The following SGO2 variants were observed in gnomAD, a reference collection of about 807,000 sequenced individuals.
SGO2 encodes the protein shugoshin-like 2.
Under a neutral mutation model 99.5 loss-of-function variants are expected in SGO2, and 68 were observed. The ratio of observed to expected loss-of-function variants is 0.68; its 90% CI spans 0.56 to 0.84. The LOEUF (loss-of-function observed/expected upper bound fraction) is 0.84, where lower values mean the gene tolerates loss of function less well. SGO2 is among the 40% of genes least tolerant of loss of function. The pLI is 0.00. For missense variants in SGO2, 1,350 were observed against 1,436.7 expected, an observed-to-expected ratio of 0.94 and a Z score of 0.97; for synonymous variants, 457 against 487.1, an observed-to-expected ratio of 0.94 and a Z score of 0.81.
intron 5 of SGO2, among the ~76,000 whole-genome samples, chr2:200,561,929 T>A (rs1329076570): frequency 1.3e-5 from 2 of 152,254 alleles, no homozygotes; most frequent in African/African-American, 2.4e-5. Context: ...TAAATTTGTT[T>A]AAGTTCTTTG....
intron 5 of SGO2, among the ~76,000 whole-genome samples, chr2:200,561,060 T>C (rs1424821435): frequency 6.6e-6 from 1 of 152,222 alleles, no homozygotes; most frequent in Non-Finnish European, 1.5e-5. Context: ...TTTTTATTAT[T>C]ATACTTTAAG....
chr2:200,547,855 C>T (rs1268955003), intron 5 of SGO2, among the ~76,000 whole-genome samples: 1 of 151,906 alleles, frequency 6.6e-6, no homozygotes, highest in Non-Finnish European at 1.5e-5. Flanking sequence ...AGTAGCTGTA[C>T]TCGTAGCAGA....
intron 5 of SGO2, among the ~76,000 whole-genome samples, chr2:200,564,628 G>A (rs567420419): frequency 1.3e-4 from 20 of 152,274 alleles, no homozygotes; most frequent in Middle Eastern, 6.8e-3. Context: ...TTAATTTTCT[G>A]TCTCATGGAT....
intron 5 of SGO2, among the ~76,000 whole-genome samples, chr2:200,550,184 T>A (rs373080245): frequency 6.6e-6 from 1 of 151,914 alleles, no homozygotes; most frequent in African/African-American, 2.4e-5. Flanking sequence ...ATGACAAAAC[T>A]CTGATGAAAG....
chr2:200,574,332 G>A (rs1259301364), intron 7 of SGO2, among the ~76,000 whole-genome samples: 1 of 151,922 alleles, frequency 6.6e-6, no homozygotes, highest in Admixed American at 6.6e-5. Context: ...TTATTTTACT[G>A]AAGACAGTTG....
rs2033552855 is a variant in SGO2 at position 200,573,827 on chromosome 2, C to T, written c.3481C>T (p.Pro1161Ser). 1 of 1,613,022 alleles carries T rather than the reference C, an allele frequency of 6.2e-7. No homozygotes were observed. Among genetic ancestry groups the T allele is most frequent in the African/African-American group, 1.3e-5 (1 of 74,852 alleles). Residue 1161 changes from proline to serine, a missense_variant, in exon 7 of 9, where the codon CCT becomes TCT. Physicochemically the swap from Pro to Ser is moderately conservative, Grantham distance 74. Transcript: ENST00000357799. ...TGACAGTGTTCGTGAAGGTTTAGTA[C>T]CTTTGAGCGTTTCTTCTGGTAAAAA... ...SFDSVREGLV[P>S]LSVSSGKNVI...
intron 5 of SGO2, among the ~76,000 whole-genome samples, chr2:200,568,310 C>G (rs2106340126): frequency 6.6e-6 from 1 of 152,180 alleles, no homozygotes; most frequent in African/African-American, 2.4e-5. Context: ...TCATGTTTTT[C>G]TATTGCTTCA....
chr2:200,529,475 T>C (rs1393784363), intron 1 of SGO2, among the ~76,000 whole-genome samples: 1 of 152,144 alleles, frequency 6.6e-6, no homozygotes, highest in Non-Finnish European at 1.5e-5. Flanking sequence ...TAGTGATAGA[T>C]GTTGAGGGAA....
intron 7 of SGO2, 66 bp downstream of exon 7, chr2:200,574,043 T>C (rs917501051): frequency 7.6e-7 from 1 of 1,310,988 alleles, no homozygotes; most frequent in African/African-American, 1.5e-5. Context: ...TTTCGTTTTT[T>C]ACTTAGCCAG....
At chr2:200,566,048 G>A (rs181691968) in intron 5 of SGO2, among the ~76,000 whole-genome samples, 15 of 152,222 alleles carry the variant, frequency 9.9e-5, no homozygotes, top group South Asian at 4.1e-4. Flanking sequence ...ATTACAGATC[G>A]TCTAAAACCT....
intron 5 of SGO2, among the ~76,000 whole-genome samples, chr2:200,550,998 A>AT (rs2032460892): frequency 6.6e-6 from 1 of 151,828 alleles, no homozygotes; most frequent in Non-Finnish European, 1.5e-5. Context: ...TAGCAAAAAA[A>AT]AAAAAGAAAA....
At chr2:200,554,226 C>T (rs762091971) in intron 5 of SGO2, among the ~76,000 whole-genome samples, 5 of 152,086 alleles carry the variant, frequency 3.3e-5, no homozygotes, top group Non-Finnish European at 7.4e-5. Flanking sequence ...CTGTAAATAG[C>T]TCAAAAGAAA....
chr2:200,531,388 G>A (rs1176285514), intron 1 of SGO2, among the ~76,000 whole-genome samples: 2 of 152,110 alleles, frequency 1.3e-5, no homozygotes, highest in Non-Finnish European at 2.9e-5. Context: ...TATATTCAAG[G>A]ATGGGAATTT....
At chr2:200,565,761 C>A (rs886515564) in intron 5 of SGO2, among the ~76,000 whole-genome samples, 14 of 152,186 alleles carry the variant, frequency 9.2e-5, no homozygotes, top group Non-Finnish European at 1.8e-4. Flanking sequence ...TTATTCATTT[C>A]TTTATACTCT....
chr2:200,528,585 A>G (rs1351185539), intron 1 of SGO2, among the ~76,000 whole-genome samples: 4 of 152,196 alleles, frequency 2.6e-5, no homozygotes, highest in Admixed American at 2.6e-4. Context: ...TGTGTGTTAG[A>G]AATCCTAGTT....
chr2:200,552,147 A>G (rs909938944), intron 5 of SGO2, among the ~76,000 whole-genome samples: 1 of 151,994 alleles, frequency 6.6e-6, no homozygotes, highest in Non-Finnish European at 1.5e-5. Flanking sequence ...TATTCTCTCC[A>G]TGTTTTGTAG....
chr2:200,566,623 C>A (rs1157322119), intron 5 of SGO2, among the ~76,000 whole-genome samples: 1 of 152,196 alleles, frequency 6.6e-6, no homozygotes, highest in African/African-American at 2.4e-5. Context: ...TTTAAGTCTG[C>A]AGAAATTTCT....
At chr2:200,528,047 G>A (rs191595535) in intron 1 of SGO2, among the ~76,000 whole-genome samples, 11 of 152,224 alleles carry the variant, frequency 7.2e-5, no homozygotes, top group Non-Finnish European at 4.4e-5. Flanking sequence ...AGCATGTCAA[G>A]GTAGGCAGTG....
At chr2:200,567,107 G>A (rs930274930) in intron 5 of SGO2, among the ~76,000 whole-genome samples, 1 of 152,218 alleles carries the variant, frequency 6.6e-6, no homozygotes, top group East Asian at 1.9e-4. Flanking sequence ...GCCCCACTGA[G>A]ATGAACCTGG....
Sources: gnomAD v4.1 joint callset for allele counts (sites outside exome capture counted in the v4.1 genomes callset) on GRCh38, gnomAD v4.1.1 for gene constraint, MANE v1.5 for transcripts, NCBI Gene and HGNC (gene_info 2026-07-23, HGNC 2026-07-21) for gene names.